NUP155: variants seen among roughly 807,000 people sequenced by gnomAD.
The protein encoded by NUP155 is nucleoporin 155.
NUP155 carries 71 observed loss-of-function variants against 180.4 expected under a neutral mutation model. The ratio of observed to expected loss-of-function variants is 0.39; its 90% confidence interval spans 0.33 to 0.48. The LOEUF (loss-of-function observed/expected upper bound fraction) is 0.48. NUP155 is among the 20% of genes least tolerant of loss of function. The probability of loss-of-function intolerance (pLI) is 0.91; values close to 1 mark genes in which losing one functional copy is unlikely to be tolerated. For missense variants in NUP155, 1,553 were observed against 1,648.9 expected (o/e 0.94, Z 1.01); for synonymous variants, 582 against 559.5 (o/e 1.04, Z -0.57).
intron 21 of NUP155, among the ~76,000 whole-genome samples, chr5:37,316,417 A>G (rs1743888777): frequency 6.6e-6 from 1 of 152,090 alleles, no homozygotes; most frequent in South Asian, 2.1e-4. Context: ...GACCTAGGAT[A>G]GGGGAAAAAA....
intron 5 of NUP155, among the ~76,000 whole-genome samples, chr5:37,352,244 G>C (rs1251425316): frequency 6.6e-6 from 1 of 152,150 alleles, no homozygotes; most frequent in East Asian, 1.9e-4. Context: ...TGTAATCCCA[G>C]CTACTTGGGA....
intron 1 of NUP155, among the ~76,000 whole-genome samples, chr5:37,369,989 CTG>C (rs1169110583): frequency 6.6e-6 from 1 of 152,210 alleles, no homozygotes; most frequent in Non-Finnish European, 1.5e-5. Context: ...TACATAAGCA[CTG>C]TGATTTCCCT....
intron 23 of NUP155, 100 bp downstream of exon 23, chr5:37,310,452 G>C (rs761117857): frequency 4.4e-5 from 40 of 914,050 alleles, no homozygotes; most frequent in Non-Finnish European, 6.9e-5. Context: ...GAGGTTAAGA[G>C]ATCTAACTGA....
rs1178414559 is a variant in NUP155, at chr5:37,294,347, A to C, written c.3912T>G (p.Asp1304Glu). ...VPLPRLLEVYDQLFKSRDPFW... is the reference protein window; with the variant it reads ...VPLPRLLEVYEQLFKSRDPFW... ...TCCTTACCCGTGATTTGAACAACTGATCATAAACTTCTAGTAGTCTAGGTA... is the reference window on the plus strand; with the variant it reads ...TCCTTACCCGTGATTTGAACAACTGCTCATAAACTTCTAGTAGTCTAGGTA... The change falls in exon 33 of 35, where the codon GAT becomes GAG. Residue 1304 changes from aspartate (D) to glutamate (E), a missense_variant. Physicochemically the swap from Asp to Glu is conservative, Grantham distance 45. Transcript: ENST00000231498. 1.3e-6 allele frequency: 2 copies of C among 1,592,652 alleles called. No homozygotes were observed. Among genetic ancestry groups the C allele is most frequent in the Non-Finnish European group, 1.7e-6 (2 of 1,161,844 alleles).
Position 37,301,487 on chromosome 5 carries a change from C to G in NUP155, c.3511G>C (p.Val1171Leu). The part of the protein sequence containing the change: ...LQRQYSHHSS[V>L]QDAVSQLDSE... ...TCCAGCTGAGAAACTGCATCCTGTACAGAAGAATGATGGGAATACTGCCTT... is the reference window on the plus strand; with the variant it reads ...TCCAGCTGAGAAACTGCATCCTGTAGAGAAGAATGATGGGAATACTGCCTT... The change falls in exon 30 of 35, where the codon GTA becomes CTA. Residue 1171 changes from valine to leucine, a missense_variant. Val to Leu is a conservative substitution (Grantham distance 32, BLOSUM62 1). Transcript: ENST00000231498. 6.2e-7 allele frequency: 1 copy of G among 1,613,876 alleles called. No individual in the cohort carries two copies. Among genetic ancestry groups the G allele is most frequent in the Non-Finnish European group, 8.5e-7 (1 of 1,179,810 alleles).
chr5:37,317,496 TAAAC>T (rs1743968173), intron 21 of NUP155, among the ~76,000 whole-genome samples: 1 of 151,448 alleles, frequency 6.6e-6, no homozygotes, highest in Non-Finnish European at 1.5e-5. Context: ...CTCAGAAACA[TAAAC>T]AAATAAAAAG....
At chr5:37,334,537 T>C (rs1057070968) in intron 12 of NUP155, among the ~76,000 whole-genome samples, 2 of 151,972 alleles carry the variant, frequency 1.3e-5, no homozygotes, top group African/African-American at 2.4e-5. Context: ...CACACCACCA[T>C]ACCCGGCTAA....
intron 19 of NUP155, among the ~76,000 whole-genome samples, chr5:37,325,184 C>A (rs78422712): frequency 0.046 from 7,057 of 152,018 alleles, 560 homozygotes; most frequent in African/African-American, 0.16. Context: ...GAGCAAAAAG[C>A]AGTCTGTAAA....
chr5:37,335,255 C>T (rs116165177), intron 12 of NUP155, among the ~76,000 whole-genome samples: 2,396 of 151,348 alleles, frequency 0.016, 46 homozygotes, highest in African/African-American at 0.048. Context: ...GTGGCGTGTG[C>T]CTGTATTCCC....
At chr5:37,308,413 C>T (rs1401554753) in intron 24 of NUP155, among the ~76,000 whole-genome samples, 2 of 151,670 alleles carry the variant, frequency 1.3e-5, no homozygotes, top group African/African-American at 4.8e-5. Flanking sequence ...ATTAGCTGGG[C>T]AATGGCCGGG....
rs1314995697 is a variant in NUP155, at chr5:37,333,350, T to A, written c.1518+113A>T. ...AGCCTGGGTGATGAGCGAGACTCCG[T>A]CTCAAAAAAAAAAGAAAGAAAATTA... On this transcript the variant is annotated intron_variant, in intron 13 of 34. Transcript: ENST00000231498. The A allele has an allele frequency of 7.1e-6, 7 of 988,644 alleles. No homozygotes were observed. The East Asian group carries it at 1.7e-4, about 25-fold the overall frequency. The allele number at this position is 988,644 out of a possible 1,614,324, so 61.2% of individuals were successfully genotyped here. A position where few individuals can be genotyped will look rare whatever the true frequency, so the allele number is the denominator to read the frequency against.
At chr5:37,309,481 A>G in intron 23 of NUP155, 1 of 520,836 alleles carries the variant, frequency 1.9e-6, no homozygotes, top group Non-Finnish European at 3.4e-6. Context: ...ATGTTAAGCA[A>G]GAGAACTTTT....
intron 1 of NUP155, among the ~76,000 whole-genome samples, chr5:37,365,713 GAAAAAAAAAAAAA>G (rs869240751): frequency 1.8e-4 from 4 of 22,682 alleles, no homozygotes; most frequent in Non-Finnish European, 2.1e-4. Flanking sequence ...GTCTCGGGGA[GAAAAAAAAAAAAA>G]AAAAAAAAAA....
chr5:37,337,105 T>G (rs1455505022), intron 12 of NUP155, among the ~76,000 whole-genome samples: 1 of 152,060 alleles, frequency 6.6e-6, no homozygotes, highest in Admixed American at 6.6e-5. Flanking sequence ...TAGCCTCCCC[T>G]CACCTCCTTA....
chr5:37,357,652 A>C (rs900269541), intron 4 of NUP155, among the ~76,000 whole-genome samples: 4 of 152,212 alleles, frequency 2.6e-5, no homozygotes, highest in African/African-American at 9.6e-5. Flanking sequence ...ACATATTTCT[A>C]ATTAGAATTC....
chr5:37,296,376 C>T (rs964153285), intron 32 of NUP155, among the ~76,000 whole-genome samples: 3 of 151,914 alleles, frequency 2.0e-5, no homozygotes, highest in Admixed American at 6.6e-5. Context: ...TGTGACCTTA[C>T]CCCCAACCCT....
In NUP155 at chr5:37,323,875, A is replaced by G. The variant is rs748422853; in HGVS notation, c.2207+117T>C. ...GATGGTTGCATAACCTTGTAGATAC[A>G]CTAAAAAATACTAAACTGCACACTT... On this transcript the variant is annotated intron_variant, in intron 20 of 34. Coordinates refer to ENST00000231498, the MANE Select transcript of NUP155 (RefSeq NM_153485.3). 16 of 712,788 alleles carry G rather than the reference A, an allele frequency of 2.2e-5. 1 individual carries two copies. Among genetic ancestry groups the G allele is most frequent in the Non-Finnish European group, 3.5e-5 (14 of 394,958 alleles). The allele number at this position is 712,788 out of a possible 1,614,324, so 44.2% of individuals were successfully genotyped here. A position where few individuals can be genotyped will look rare whatever the true frequency, so the allele number is the denominator to read the frequency against.
chr5:37,326,504 C>T (rs1744608804), intron 18 of NUP155, among the ~76,000 whole-genome samples: 1 of 152,120 alleles, frequency 6.6e-6, no homozygotes, highest in African/African-American at 2.4e-5. Context: ...CGGAAAAGTG[C>T]ATGGTAAGCC....
At chr5:37,294,079 T>A (rs564723809) in intron 33 of NUP155, among the ~76,000 whole-genome samples, 1 of 151,676 alleles carries the variant, frequency 6.6e-6, no homozygotes, top group East Asian at 1.9e-4. Context: ...CACCTTGGTT[T>A]AGCCTCTTTC....
Sources: gnomAD v4.1 joint callset for allele counts (sites outside exome capture counted in the v4.1 genomes callset) on GRCh38, gnomAD v4.1.1 for gene constraint, MANE v1.5 for transcripts, NCBI Gene and HGNC (gene_info 2026-07-23, HGNC 2026-07-21) for gene names.